Variants in PSD3 observed in about 807,000 individuals in gnomAD.
PSD3 encodes PH and SEC7 domain-containing protein 3.
A neutral mutation model predicts 105.5 loss-of-function variants in PSD3; 49 were observed. The ratio of observed to expected loss-of-function variants is 0.46; its 90% CI spans 0.37 to 0.59. The LOEUF (loss-of-function observed/expected upper bound fraction) is 0.59. Ranked by LOEUF, PSD3 falls within the 20% of genes least tolerant of loss-of-function variation. PSD3 has a pLI of 0.00. For missense variants in PSD3, 1,561 were observed against 1,263.8 expected (o/e 1.24, Z -3.57); for synonymous variants, 557 against 457.8 (o/e 1.22, Z -2.77).
intron 11 of PSD3, among the ~76,000 whole-genome samples, chr8:18,600,890 T>C (rs1257268152): frequency 1.3e-5 from 2 of 152,318 alleles, no homozygotes; most frequent in Non-Finnish European, 2.9e-5. Flanking sequence ...TCTCAGAATA[T>C]GAAAGGACCA....
At chr8:18,607,979 T>G (rs1253102877) in intron 11 of PSD3, among the ~76,000 whole-genome samples, 4 of 152,130 alleles carry the variant, frequency 2.6e-5, no homozygotes, top group South Asian at 2.1e-4. Flanking sequence ...GAGAACAGCA[T>G]GAGAGTAATG....
At chr8:18,741,792 T>C (rs1804594050) in intron 9 of PSD3, among the ~76,000 whole-genome samples, 1 of 89,940 alleles carries the variant, frequency 1.1e-5, no homozygotes, top group Non-Finnish European at 2.2e-5. Flanking sequence ...TCTAATTTTA[T>C]TGTAAAAAAA....
At chr8:18,949,913 T>C (rs1000653978) in intron 1 of PSD3, among the ~76,000 whole-genome samples, 3 of 152,162 alleles carry the variant, frequency 2.0e-5, no homozygotes, top group African/African-American at 7.2e-5. Context: ...TATAGAAAAG[T>C]AAAATACATT....
At chr8:18,828,058 T>A (rs547514783) in intron 4 of PSD3, among the ~76,000 whole-genome samples, 1 of 112,986 alleles carries the variant, frequency 8.9e-6, no homozygotes, top group East Asian at 2.3e-4. Flanking sequence ...TATATATATA[T>A]ATATATATAT....
At chr8:18,792,769 G>A (rs1214196108) in intron 8 of PSD3, among the ~76,000 whole-genome samples, 1 of 152,164 alleles carries the variant, frequency 6.6e-6, no homozygotes, top group Admixed American at 6.5e-5. Context: ...ACACTGTGGA[G>A]ATTCCTCAAG....
At chr8:19,061,560 C>A (rs2129477564) in intron 1 of PSD3, among the ~76,000 whole-genome samples, 1 of 152,128 alleles carries the variant, frequency 6.6e-6, no homozygotes, top group East Asian at 1.9e-4. Flanking sequence ...GTAATCCCAG[C>A]ACTTTGGGAG....
chr8:18,663,476 A>G (rs1809506116), intron 9 of PSD3, among the ~76,000 whole-genome samples: 1 of 152,148 alleles, frequency 6.6e-6, no homozygotes, highest in Admixed American at 6.6e-5. Flanking sequence ...GTAATTGCTA[A>G]TTATCTTTTG....
rs1283256717 is a variant in PSD3, at chr8:18,717,577, A to T, written c.2172+47872T>A. ...AATTGCAGAAAGGGAATCAATTTTA[A>T]ACAAATTTGTTATATTATATATTTT... On this transcript the variant is annotated intron_variant, in intron 9 of 15. Transcript: ENST00000327040. Among the ~76,000 whole-genome samples, 5 of 152,180 alleles carry T rather than the reference A, an allele frequency of 3.3e-5. No homozygotes were observed. In the East Asian group the frequency reaches 9.6e-4, roughly 29 times the overall value.
chr8:18,671,690 T>C (rs1170480259), intron 9 of PSD3, among the ~76,000 whole-genome samples: 2 of 151,838 alleles, frequency 1.3e-5, no homozygotes, highest in South Asian at 4.2e-4. Flanking sequence ...TGGAGGGCAG[T>C]GCGCGATCTC....
chr8:18,628,529 C>T (rs916462440), intron 11 of PSD3, among the ~76,000 whole-genome samples: 1 of 151,822 alleles, frequency 6.6e-6, no homozygotes. Context: ...AAGATATTTT[C>T]ACACTGATAA....
intron 12 of PSD3, among the ~76,000 whole-genome samples, chr8:18,592,722 T>G (rs962539174): frequency 6.6e-6 from 1 of 151,812 alleles, no homozygotes; most frequent in Non-Finnish European, 1.5e-5. Flanking sequence ...ACAAAAACAC[T>G]TGCCACACAA....
At chr8:18,707,134 C>T (rs374968437) in intron 9 of PSD3, among the ~76,000 whole-genome samples, 1 of 152,156 alleles carries the variant, frequency 6.6e-6, no homozygotes, top group African/African-American at 2.4e-5. Context: ...CTCACTCTCT[C>T]GTTGTGCTGA....
intron 11 of PSD3, among the ~76,000 whole-genome samples, chr8:18,619,499 C>T (rs569148668): frequency 4.7e-4 from 72 of 152,042 alleles, no homozygotes; most frequent in Admixed American, 2.4e-3. Context: ...CAAAATTAGC[C>T]GGGTGTGGTG....
At chr8:18,578,903 C>G (rs1247148835) in intron 12 of PSD3, among the ~76,000 whole-genome samples, 2 of 151,958 alleles carry the variant, frequency 1.3e-5, no homozygotes, top group Non-Finnish European at 2.9e-5. Flanking sequence ...AAGGAGAACA[C>G]TATATACGGC....
chr8:18,914,635 C>T (rs998332489), intron 2 of PSD3, among the ~76,000 whole-genome samples: 1 of 152,126 alleles, frequency 6.6e-6, no homozygotes, highest in Admixed American at 6.5e-5. Context: ...AAGTAAAATA[C>T]TTCAGAATAA....
At chr8:18,888,930 T>C (rs1818606076) in intron 2 of PSD3, among the ~76,000 whole-genome samples, 1 of 152,108 alleles carries the variant, frequency 6.6e-6, no homozygotes, top group Admixed American at 6.6e-5. Flanking sequence ...CCTGAGGAAT[T>C]GTGAGCATCC....
chr8:18,587,270 A>C (rs1475213400), intron 12 of PSD3, among the ~76,000 whole-genome samples: 1 of 152,110 alleles, frequency 6.6e-6, no homozygotes, highest in Non-Finnish European at 1.5e-5. Flanking sequence ...TCCTTTGAGT[A>C]CCTGAGTATA....
chr8:18,754,680 T>C (rs960245798), intron 9 of PSD3, among the ~76,000 whole-genome samples: 1 of 152,168 alleles, frequency 6.6e-6, no homozygotes, highest in African/African-American at 2.4e-5. Flanking sequence ...TGAGGTCAGT[T>C]ATTAATACAT....
intron 14 of PSD3, 29 bp downstream of exon 14, chr8:18,572,499 C>T: frequency 6.3e-7 from 1 of 1,593,806 alleles, no homozygotes; most frequent in African/African-American, 1.4e-5. Flanking sequence ...TACTTTTTCC[C>T]AAGGTCAAAG....
Sources: allele counts gnomAD v4.1 joint callset (sites outside exome capture counted in the v4.1 genomes callset), GRCh38; gene constraint gnomAD v4.1.1; transcripts MANE v1.5; gene names NCBI Gene and HGNC (gene_info 2026-07-23, HGNC 2026-07-21).